The following ARHGEF12 variants were observed in gnomAD, a reference collection of about 807,000 sequenced individuals.
ARHGEF12 encodes KMT2A/ARHGEF12 fusion protein.
Under a neutral mutation model 211.2 loss-of-function variants are expected in ARHGEF12, and 66 were observed. That is an observed-to-expected ratio of 0.31 (90% CI 0.26 to 0.38). ARHGEF12 has a LOEUF of 0.38. Among genes scored for constraint, ARHGEF12 ranks in the 10% least tolerant of loss-of-function variants. The probability of loss-of-function intolerance (pLI) is 1.00; values close to 1 mark genes in which losing one functional copy is unlikely to be tolerated. For synonymous variants in ARHGEF12, 592 were observed against 638.4 expected, an observed-to-expected ratio of 0.93 and a Z score of 1.09; for missense variants, 1,429 against 1,869.5, an observed-to-expected ratio of 0.76 and a Z score of 4.34.
In ARHGEF12 at chr11:120,488,419, C is replaced by G. The variant is rs1216605242; in HGVS notation, c.*3342C>G. The G allele has an allele frequency of 9.3e-6, 2 of 215,948 alleles. No individual in the cohort carries two copies. Among genetic ancestry groups the G allele is most frequent in the Non-Finnish European group, 1.9e-5 (2 of 107,390 alleles). The allele number at this position is 215,948 out of a possible 1,614,324, so 13.4% of individuals were successfully genotyped here. A position where few individuals can be genotyped will look rare whatever the true frequency, so the allele number is the denominator to read the frequency against. On this transcript the variant is annotated 3_prime_UTR_variant, in exon 41 of 41. Transcript: ENST00000397843. Reference sequence around the variant, plus strand: ...TCAGCTTCCTCATGGCTAGTTTTTCCCCCTTATATTACAATTTTTGTTTTA... The same window carrying G: ...TCAGCTTCCTCATGGCTAGTTTTTCGCCCTTATATTACAATTTTTGTTTTA...
chr11:120,451,628 G>A lies in ARHGEF12; in HGVS notation c.1960G>A (p.Glu654Lys), dbSNP rs1318160785. ...GTTGCGCCAGAGTGGGTTAGCAAAT[G>A]AAGGAACAGACGCTGGATACCTGCC... The part of the protein sequence containing the change: ...AKLRQSGLAN[E>K]GTDAGYLPAN... Residue 654 changes from glutamate to lysine, a missense_variant, in exon 22 of 41, where the codon GAA (glutamate) becomes AAA (lysine). Transcript: ENST00000397843. 1.9e-6 allele frequency: 3 copies of A among 1,614,160 alleles called. No individual in the cohort carries two copies. The highest frequency in any genetic ancestry group is 2.5e-6 in the Non-Finnish European group (3 of 1,180,024).
chr11:120,433,008 GA>G (rs1269123831), intron 11 of ARHGEF12, among the ~76,000 whole-genome samples: 12 of 151,962 alleles, frequency 7.9e-5, no homozygotes, highest in Non-Finnish European at 1.8e-4. Flanking sequence ...TGGGCTCAAG[GA>G]AAAAATGGTA....
intron 4 of ARHGEF12, among the ~76,000 whole-genome samples, chr11:120,418,471 G>A (rs1392510557): frequency 1.3e-5 from 2 of 152,146 alleles, no homozygotes; most frequent in African/African-American, 4.8e-5. Context: ...AGACATTTGA[G>A]TTTCTAGTTT....
At chr11:120,468,371 T>C (rs1305586180) in intron 29 of ARHGEF12, among the ~76,000 whole-genome samples, 1 of 152,236 alleles carries the variant, frequency 6.6e-6, no homozygotes, top group Non-Finnish European at 1.5e-5. Context: ...AGGATTATAA[T>C]TTTGAATGTT....
At chr11:120,393,597 TA>T (rs1236241391) in intron 1 of ARHGEF12, among the ~76,000 whole-genome samples, 1 of 152,158 alleles carries the variant, frequency 6.6e-6, no homozygotes, top group Non-Finnish European at 1.5e-5. Context: ...TTCGTACTGA[TA>T]AAAGGGTCAA....
chr11:120,380,859 T>C (rs949192691), intron 1 of ARHGEF12, among the ~76,000 whole-genome samples: 10 of 152,234 alleles, frequency 6.6e-5, no homozygotes, highest in Admixed American at 5.2e-4. Context: ...ATGTTTATTT[T>C]ATACTTTGAG....
At chr11:120,380,666 T>G (rs568945198) in intron 1 of ARHGEF12, among the ~76,000 whole-genome samples, 23 of 152,354 alleles carry the variant, frequency 1.5e-4, no homozygotes, top group African/African-American at 5.3e-4. Context: ...TTGGTTAAGA[T>G]AGTGTTTGCT....
chr11:120,350,229 G>A (rs2135294066), intron 1 of ARHGEF12, among the ~76,000 whole-genome samples: 1 of 152,304 alleles, frequency 6.6e-6, no homozygotes, highest in Admixed American at 6.5e-5. Flanking sequence ...AAAGTGAGAA[G>A]TATGTGGCAG....
At chr11:120,383,179 T>A (rs933441914) in intron 1 of ARHGEF12, among the ~76,000 whole-genome samples, 14 of 151,034 alleles carry the variant, frequency 9.3e-5, no homozygotes, top group African/African-American at 3.4e-4. Flanking sequence ...GAGAGCCAGG[T>A]GTTGGTGAAG....
chr11:120,346,523 G>A (rs1942726248), intron 1 of ARHGEF12, among the ~76,000 whole-genome samples: 1 of 152,218 alleles, frequency 6.6e-6, no homozygotes, highest in Non-Finnish European at 1.5e-5. Context: ...TGTCAGTGGG[G>A]TAAGGATGTA....
intron 1 of ARHGEF12, among the ~76,000 whole-genome samples, chr11:120,346,383 G>A (rs1400996762): frequency 6.6e-6 from 1 of 152,230 alleles, no homozygotes; most frequent in East Asian, 1.9e-4. Flanking sequence ...TGCCATTATT[G>A]TGGATGAGGG....
Position 120,485,983 on chromosome 11 carries a change from T to C in ARHGEF12, c.*906T>C, listed in dbSNP as rs1488440090. 4.3e-6 allele frequency: 1 copy of C among 233,386 alleles called. No individual in the cohort carries two copies. The highest frequency in any genetic ancestry group is 6.0e-5 in the East Asian group (1 of 16,572). 14.5% of individuals were successfully genotyped at this position (233,386 alleles called of 1,614,324 possible). On this transcript the variant is annotated 3_prime_UTR_variant, in exon 41 of 41. Coordinates refer to ENST00000397843, the MANE Select transcript of ARHGEF12 (RefSeq NM_015313.3). ...TCATTTCATTTTTATAATTATACAT[T>C]AGACATTGGCACTTGTGTAAAACTG...
Position 120,480,393 on chromosome 11 carries a change from T to C in ARHGEF12, c.4200T>C (p.Val1400=), listed in dbSNP as rs943471680. The part of the protein sequence containing the change: ...DENPSEGDGA[V]NKEEKDVNLR... ...ATCCATCAGAAGGTGATGGAGCAGT[T>C]AACAAGGAAGAGAAGGATGTTAATT... The change falls in exon 38 of 41, where the codon GTT becomes GTC. Residue 1400 remains valine, a synonymous_variant. Transcript: ENST00000397843. 4 of 1,612,882 alleles carry C rather than the reference T, an allele frequency of 2.5e-6. No homozygotes were observed. Among genetic ancestry groups the C allele is most frequent in the Non-Finnish European group, 3.4e-6 (4 of 1,179,350 alleles).
At chr11:120,341,842 C>G (rs1942546139) in intron 1 of ARHGEF12, among the ~76,000 whole-genome samples, 1 of 152,128 alleles carries the variant, frequency 6.6e-6, no homozygotes. Context: ...TACAGGTTTT[C>G]AAAATAGTGC....
intron 1 of ARHGEF12, among the ~76,000 whole-genome samples, chr11:120,338,999 CTTTTTCTTTTT>C (rs1942445081): frequency 1.9e-5 from 2 of 107,868 alleles, no homozygotes; most frequent in East Asian, 4.9e-4. Context: ...TGTTTCTTTT[CTTTTTCTTTTT>C]TTTTTTTTTT....
intron 29 of ARHGEF12, 81 bp downstream of exon 29, chr11:120,467,389 C>A: frequency 2.7e-6 from 2 of 731,828 alleles, no homozygotes; most frequent in South Asian, 2.1e-5. Context: ...TATCTTACAG[C>A]GTCCTGAATG....
At chr11:120,374,019 T>G (rs371729830) in intron 1 of ARHGEF12, among the ~76,000 whole-genome samples, 161 of 152,248 alleles carry the variant, frequency 1.1e-3, no homozygotes, top group African/African-American at 3.8e-3. Context: ...GTTAGTCAGG[T>G]TGGGCTCGAA....
chr11:120,485,911 G>T lies in ARHGEF12; in HGVS notation c.*834G>T. ...TGAGGGTTGGGATTTGGGTGGGAGA[G>T]GAAAGCAAATTTTATTTTCTTGACT... On this transcript the variant is annotated 3_prime_UTR_variant, in exon 41 of 41. Transcript: ENST00000397843. The T allele has an allele frequency of 4.3e-6, 1 of 233,482 alleles. No homozygotes were observed. The highest frequency in any genetic ancestry group is 8.5e-6 in the Non-Finnish European group (1 of 117,932). The allele number at this position is 233,482 out of a possible 1,614,324, so 14.5% of individuals were successfully genotyped here.
At chr11:120,379,892 G>T (rs1472192659) in intron 1 of ARHGEF12, among the ~76,000 whole-genome samples, 2 of 151,984 alleles carry the variant, frequency 1.3e-5, no homozygotes, top group East Asian at 3.9e-4. Context: ...TTGTTCCTTT[G>T]TTCCTAAGGG....
Sources: gnomAD v4.1 joint callset for allele counts (sites outside exome capture counted in the v4.1 genomes callset) on GRCh38, gnomAD v4.1.1 for gene constraint, MANE v1.5 for transcripts, NCBI Gene and HGNC (gene_info 2026-07-23, HGNC 2026-07-21) for gene names.